Variants in ITGB5 observed in about 807,000 individuals in gnomAD.
The protein encoded by ITGB5 is integrin beta-5.
ITGB5 carries 38 observed loss-of-function variants against 84.8 expected under a neutral mutation model. That is an observed-to-expected ratio of 0.45 (90% confidence interval 0.35 to 0.59). The LOEUF (loss-of-function observed/expected upper bound fraction) is 0.59. ITGB5 is among the 20% of genes least tolerant of loss of function. ITGB5 has a pLI of 0.01. For synonymous variants in ITGB5, 393 were observed against 414.4 expected, an observed-to-expected ratio of 0.95 and a Z score of 0.63; for missense variants, 905 against 1,034.5, an observed-to-expected ratio of 0.87 and a Z score of 1.72.
upstream of ITGB5, chr3:124,887,689 T>C (rs145504156): frequency 3.8e-3 from 1,743 of 453,358 alleles, 17 homozygotes; most frequent in African/African-American, 0.031. Flanking sequence ...GGGCACGCTG[T>C]ATTAGGCGAG....
intron 10 of ITGB5, among the ~76,000 whole-genome samples, chr3:124,795,064 C>G (rs1349780836): frequency 6.6e-6 from 1 of 152,010 alleles, no homozygotes; most frequent in Non-Finnish European, 1.5e-5. Context: ...GGGTGTCTAG[C>G]CTAGATCAGA....
intron 5 of ITGB5, among the ~76,000 whole-genome samples, chr3:124,825,543 C>T (rs1204465656): frequency 6.6e-6 from 1 of 152,190 alleles, no homozygotes; most frequent in Non-Finnish European, 1.5e-5. Context: ...TAACACACCA[C>T]AACATGGATG....
intron 8 of ITGB5, among the ~76,000 whole-genome samples, chr3:124,812,157 G>A (rs780331967): frequency 6.6e-6 from 1 of 152,042 alleles, no homozygotes; most frequent in Non-Finnish European, 1.5e-5. Context: ...TTAGGCTGTT[G>A]GTATATATCT....
chr3:124,782,674 A>G (rs1423663240), intron 10 of ITGB5, among the ~76,000 whole-genome samples: 1 of 152,154 alleles, frequency 6.6e-6, no homozygotes, highest in East Asian at 1.9e-4. Flanking sequence ...CCTGACCAAC[A>G]TGGTGAAACC....
At chr3:124,766,772 G>A (rs2063774316) in intron 12 of ITGB5, among the ~76,000 whole-genome samples, 1 of 152,270 alleles carries the variant, frequency 6.6e-6, no homozygotes, top group Non-Finnish European at 1.5e-5. Flanking sequence ...ACTTGGGGCT[G>A]AGAGCTGGCC....
At chr3:124,811,222 G>A (rs2064496530) in intron 8 of ITGB5, among the ~76,000 whole-genome samples, 1 of 152,126 alleles carries the variant, frequency 6.6e-6, no homozygotes, top group Non-Finnish European at 1.5e-5. Flanking sequence ...TCCCTACCAT[G>A]TTGTGAAGTC....
intron 1 of ITGB5, among the ~76,000 whole-genome samples, chr3:124,893,189 C>G (rs1204359090): frequency 2.0e-5 from 3 of 152,118 alleles, no homozygotes; most frequent in African/African-American, 7.2e-5. Flanking sequence ...AGGAAGATCA[C>G]CAGAGGTCAG....
At chr3:124,864,566 G>A (rs1424420242) in intron 2 of ITGB5, among the ~76,000 whole-genome samples, 2 of 151,934 alleles carry the variant, frequency 1.3e-5, no homozygotes, top group Non-Finnish European at 2.9e-5. Flanking sequence ...CTTATCAGTG[G>A]GACCTAAACA....
At chr3:124,836,926 A>G (rs554891156) in intron 5 of ITGB5, among the ~76,000 whole-genome samples, 4 of 152,378 alleles carry the variant, frequency 2.6e-5, no homozygotes, top group African/African-American at 7.2e-5. Context: ...TAAAAGAATC[A>G]GGATTAAAAC....
upstream of ITGB5, among the ~76,000 whole-genome samples, chr3:124,891,593 C>CAAA (rs59385283): frequency 0.38 from 38,648 of 102,882 alleles, 6,458 homozygotes; most frequent in East Asian, 0.56. Context: ...ATAACTGCCT[C>CAAA]AAAAAAAAAA....
intron 1 of ITGB5, among the ~76,000 whole-genome samples, chr3:124,894,134 C>CCTTTTTTTTTT (rs1249468658): frequency 1.9e-5 from 2 of 104,354 alleles, no homozygotes; most frequent in Non-Finnish European, 3.6e-5. Context: ...TGATATTTTT[C>CCTTTTTTTTTT]TTTTTTTTTT....
chr3:124,772,902 T>C (rs1298488558), intron 11 of ITGB5, among the ~76,000 whole-genome samples: 6 of 148,672 alleles, frequency 4.0e-5, no homozygotes, highest in Non-Finnish European at 7.4e-5. Context: ...TGCCTTTCTC[T>C]CCAATTTACT....
At chr3:124,774,877 A>C (rs2063901457) in intron 10 of ITGB5, among the ~76,000 whole-genome samples, 2 of 152,192 alleles carry the variant, frequency 1.3e-5, no homozygotes, top group South Asian at 4.1e-4. Context: ...ACAGTGACTT[A>C]TGGGGCAGGC....
chr3:124,774,777 TG>T (rs1460627428), intron 10 of ITGB5, among the ~76,000 whole-genome samples: 2 of 146,972 alleles, frequency 1.4e-5, no homozygotes, highest in African/African-American at 2.5e-5. Flanking sequence ...TAGGAGCAGA[TG>T]CTGAGAACAG....
intron 1 of ITGB5, among the ~76,000 whole-genome samples, chr3:124,874,697 TC>T (rs1934227521): frequency 1.3e-5 from 2 of 152,052 alleles, no homozygotes; most frequent in South Asian, 4.2e-4. Context: ...CAGAAATAAA[TC>T]CAGGCATTTA....
intron 11 of ITGB5, among the ~76,000 whole-genome samples, chr3:124,770,420 G>A (rs745711269): frequency 1.1e-4 from 16 of 152,160 alleles, no homozygotes; most frequent in Non-Finnish European, 1.8e-4. Context: ...GACCAAAGGG[G>A]CTGGGTGTCC....
intron 4 of ITGB5, among the ~76,000 whole-genome samples, chr3:124,843,182 G>A (rs1202382054): frequency 2.6e-5 from 4 of 152,092 alleles, no homozygotes; most frequent in Admixed American, 6.5e-5. Flanking sequence ...GAACAATCAT[G>A]GAAATTACAT....
chr3:124,835,171 C>G (rs774844706), intron 5 of ITGB5, among the ~76,000 whole-genome samples: 4 of 151,728 alleles, frequency 2.6e-5, no homozygotes, highest in Non-Finnish European at 5.9e-5. Flanking sequence ...TCCCACGTGC[C>G]CTGTTCACGA....
chr3:124,849,003 C>A (rs1258157532), intron 3 of ITGB5, among the ~76,000 whole-genome samples: 1 of 152,130 alleles, frequency 6.6e-6, no homozygotes, highest in Non-Finnish European at 1.5e-5. Context: ...TGGTATCCAA[C>A]TCCTGGCCTC....
Sources: allele counts gnomAD v4.1 joint callset (sites outside exome capture counted in the v4.1 genomes callset), GRCh38; gene constraint gnomAD v4.1.1; transcripts MANE v1.5; gene names NCBI Gene and HGNC (gene_info 2026-07-23, HGNC 2026-07-21).